Variants in RAB28 observed in about 807,000 individuals in gnomAD.
RAB28 encodes RAB28, member RAS oncogene family.
A neutral mutation model predicts 31.7 loss-of-function variants in RAB28; 24 were observed. The observed-to-expected ratio is 0.76, with a 90% CI of 0.55 to 1.06. The LOEUF is 1.06. Ranked by LOEUF, RAB28 falls within the 50% of genes least tolerant of loss-of-function variation. RAB28 has a pLI of 0.00. For synonymous variants in RAB28, 100 were observed against 90.4 expected, an observed-to-expected ratio of 1.11 and a Z score of -0.60; for missense variants, 254 against 258.5, an observed-to-expected ratio of 0.98 and a Z score of 0.12.
chr4:13,419,807 C>G (rs1014522039), intron 4 of RAB28, among the ~76,000 whole-genome samples: 10 of 152,074 alleles, frequency 6.6e-5, no homozygotes, highest in African/African-American at 1.7e-4. Flanking sequence ...CAGGAAAGAT[C>G]TAAAATCAAC....
intron 4 of RAB28, among the ~76,000 whole-genome samples, chr4:13,422,622 C>T (rs1713230580): frequency 1.3e-5 from 2 of 151,954 alleles, no homozygotes; most frequent in African/African-American, 4.8e-5. Flanking sequence ...AAGCTGGAAA[C>T]CATCATTCTC....
chr4:13,410,412 C>T (rs1206998974), intron 4 of RAB28, among the ~76,000 whole-genome samples: 1 of 151,948 alleles, frequency 6.6e-6, no homozygotes, highest in Non-Finnish European at 1.5e-5. Flanking sequence ...GCCTGATTGC[C>T]GGTATGTTAC....
At chr4:13,368,898 A>G (rs1173919897) in intron 6 of RAB28, among the ~76,000 whole-genome samples, 1 of 152,062 alleles carries the variant, frequency 6.6e-6, no homozygotes, top group East Asian at 1.9e-4. Context: ...TGAGGTTATC[A>G]TAAGTCTAAT....
At chr4:13,383,458 G>C (rs1729221161) in intron 4 of RAB28, among the ~76,000 whole-genome samples, 1 of 151,724 alleles carries the variant, frequency 6.6e-6, no homozygotes, top group Non-Finnish European at 1.5e-5. Flanking sequence ...GGAAAGACTA[G>C]TAGTACCATT....
intron 4 of RAB28, among the ~76,000 whole-genome samples, chr4:13,414,459 T>G (rs1162413920): frequency 1.3e-5 from 2 of 152,112 alleles, no homozygotes; most frequent in Non-Finnish European, 2.9e-5. Flanking sequence ...CTATAACAGG[T>G]AGTAAAAGAT....
At chr4:13,373,263 T>C (rs183131585) in intron 6 of RAB28, among the ~76,000 whole-genome samples, 11 of 151,486 alleles carry the variant, frequency 7.3e-5, no homozygotes, top group Admixed American at 5.9e-4. Context: ...TAAAGGTCTA[T>C]GTACTTTGCA....
At chr4:13,457,619 A>T (rs1715367019) in intron 4 of RAB28, among the ~76,000 whole-genome samples, 1 of 152,052 alleles carries the variant, frequency 6.6e-6, no homozygotes, top group Admixed American at 6.5e-5. Flanking sequence ...AAAAGAAAAA[A>T]AAAAACCTCT....
intron 5 of RAB28, among the ~76,000 whole-genome samples, chr4:13,377,419 T>C (rs1378391011): frequency 1.3e-5 from 2 of 152,240 alleles, no homozygotes; most frequent in African/African-American, 2.4e-5. Flanking sequence ...AAAGGATACA[T>C]ATTCCTGATA....
intron 6 of RAB28, chr4:13,370,525 T>C (rs1036264141): frequency 1.2e-6 from 1 of 867,408 alleles, no homozygotes; most frequent in Non-Finnish European, 1.4e-6. Context: ...GTTAAACACT[T>C]AACTAGTGGA....
At chr4:13,391,877 G>A (rs771715742) in intron 4 of RAB28, among the ~76,000 whole-genome samples, 12 of 152,058 alleles carry the variant, frequency 7.9e-5, no homozygotes, top group African/African-American at 1.7e-4. Flanking sequence ...GACACGGGGC[G>A]GGGAACATCA....
At position 13,381,585 on chromosome 4, in the gene RAB28, T is replaced by C; in HGVS notation, c.401A>G (p.Glu134Gly). The C allele has an allele frequency of 6.2e-7, 1 of 1,611,664 alleles. No individual in the cohort carries two copies. Among genetic ancestry groups the C allele is most frequent in the South Asian group, 1.1e-5 (1 of 90,712 alleles). The change falls in exon 5 of 7, where the codon GAG (glutamate) becomes GGG (glycine). Residue 134 changes from glutamate to glycine, a missense_variant. Glu to Gly is a moderately conservative substitution (Grantham distance 98). Transcript: ENST00000330852. ...TTCAGGTTTTATTGTTCGCATATGC[T>C]CCAAATCAACTAGAAAGGTGTTAAA... ...VALVGNKIDL[E>G]HMRTIKPEKH... is the part of the protein sequence containing the mutation.
intron 4 of RAB28, among the ~76,000 whole-genome samples, chr4:13,449,559 T>A (rs1303749867): frequency 6.6e-6 from 1 of 151,886 alleles, no homozygotes; most frequent in Non-Finnish European, 1.5e-5. Context: ...AAACATCACT[T>A]CCTGGGCAGA....
At chr4:13,445,384 C>T (rs1348183662) in intron 4 of RAB28, among the ~76,000 whole-genome samples, 1 of 152,022 alleles carries the variant, frequency 6.6e-6, no homozygotes, top group Non-Finnish European at 1.5e-5. Flanking sequence ...TCCGTCTCAG[C>T]TTTAGCCCCA....
intron 4 of RAB28, among the ~76,000 whole-genome samples, chr4:13,433,910 C>T (rs1199304225): frequency 6.6e-6 from 1 of 152,062 alleles, no homozygotes; most frequent in African/African-American, 2.4e-5. Context: ...TGGAATCAAC[C>T]TAGATGCCCA....
intron 4 of RAB28, among the ~76,000 whole-genome samples, chr4:13,398,598 G>A (rs951248266): frequency 2.0e-5 from 3 of 151,998 alleles, no homozygotes; most frequent in Admixed American, 6.6e-5. Context: ...CTAACACGGC[G>A]AAACCCCATC....
chr4:13,387,851 T>G (rs991865085), intron 4 of RAB28, among the ~76,000 whole-genome samples: 4 of 152,096 alleles, frequency 2.6e-5, no homozygotes, highest in African/African-American at 9.7e-5. Context: ...ACAAAGTATA[T>G]GTGCTTCTAA....
chr4:13,415,632 C>A (rs1248677736), intron 4 of RAB28, among the ~76,000 whole-genome samples: 1 of 152,180 alleles, frequency 6.6e-6, no homozygotes, highest in Non-Finnish European at 1.5e-5. Context: ...GCCTGCAGCC[C>A]GCCATGCCTG....
chr4:13,392,134 T>C (rs13126070), intron 4 of RAB28, among the ~76,000 whole-genome samples: 3,791 of 152,274 alleles, frequency 0.025, 79 homozygotes, highest in Non-Finnish European at 0.038. Flanking sequence ...TTATCCTCCA[T>C]TTGGCCCTGC....
intron 4 of RAB28, among the ~76,000 whole-genome samples, chr4:13,455,309 A>C (rs1172222804): frequency 1.3e-5 from 2 of 152,186 alleles, no homozygotes; most frequent in African/African-American, 2.4e-5. Flanking sequence ...AGGGGAAGGT[A>C]CACAGCAGTT....
Sources: allele counts gnomAD v4.1 joint callset (sites outside exome capture counted in the v4.1 genomes callset), GRCh38; gene constraint gnomAD v4.1.1; transcripts MANE v1.5; gene names NCBI Gene and HGNC (gene_info 2026-07-23, HGNC 2026-07-21).